The following PRUNE2 variants were observed in gnomAD, a reference collection of about 807,000 sequenced individuals.
The protein encoded by PRUNE2 is prune homolog 2 with BCH domain.
PRUNE2 carries 164 observed loss-of-function variants against 252.0 expected under a neutral mutation model. The observed-to-expected ratio is 0.65, with a 90% confidence interval of 0.57 to 0.74. The LOEUF (loss-of-function observed/expected upper bound fraction) is 0.74. Ranked by LOEUF, PRUNE2 falls within the 30% of genes least tolerant of loss-of-function variation. PRUNE2 has a pLI of 0.00. For missense variants in PRUNE2, 3,495 were observed against 3,711.0 expected (o/e 0.94, Z 1.51); for synonymous variants, 1,292 against 1,350.2 (o/e 0.96, Z 0.94).
At position 76,704,972 on chromosome 9, in the gene PRUNE2, A is replaced by G; in HGVS notation, c.7302T>C (p.Leu2434=). 6.2e-7 allele frequency: 1 copy of G among 1,613,504 alleles called. No homozygotes were observed. The highest frequency in any genetic ancestry group is 8.5e-7 in the Non-Finnish European group (1 of 1,179,648). ...GGTTTCCCTCACTTCTTCGATCAGGAAGTGCAGAAAGCACTATCTCTGCTG... is the reference window on the plus strand; with the variant it reads ...GGTTTCCCTCACTTCTTCGATCAGGGAGTGCAGAAAGCACTATCTCTGCTG... ...CRAAEIVLSA[L]PDRRSEGNQA... Residue 2434 remains leucine (L), a synonymous_variant, in exon 8 of 19, where the codon CTT becomes CTC. Coordinates refer to ENST00000376718, the MANE Select transcript of PRUNE2 (RefSeq NM_015225.3).
intron 6 of PRUNE2, among the ~76,000 whole-genome samples, chr9:76,769,545 C>G (rs1450281873): frequency 6.6e-6 from 1 of 152,244 alleles, no homozygotes; most frequent in African/African-American, 2.4e-5. Flanking sequence ...CCTGCCTCAG[C>G]CTCCCAAGTA....
At chr9:76,783,376 A>G (rs1589214001) in intron 6 of PRUNE2, among the ~76,000 whole-genome samples, 1 of 152,004 alleles carries the variant, frequency 6.6e-6, no homozygotes, top group East Asian at 1.9e-4. Flanking sequence ...ACCTCAGGTG[A>G]CCCACCTGCC....
At chr9:76,843,725 C>CTT (rs71501394) in intron 4 of PRUNE2, among the ~76,000 whole-genome samples, 41 of 128,148 alleles carry the variant, frequency 3.2e-4, no homozygotes, top group Non-Finnish European at 5.1e-4. Context: ...CTTGATTCCT[C>CTT]TTTTTTTTTT....
intron 12 of PRUNE2, chr9:76,642,001 TAAA>T (rs369258212): frequency 2.7e-3 from 2,675 of 1,000,272 alleles, no homozygotes; most frequent in Non-Finnish European, 3.0e-3. Flanking sequence ...ATAAGAGAAG[TAAA>T]AAAAAAAAAA....
chr9:76,826,562 G>A lies in PRUNE2; in HGVS notation c.661+18C>T. 2 of 1,548,248 alleles carry A rather than the reference G, an allele frequency of 1.3e-6. No homozygotes were observed. Among genetic ancestry groups the A allele is most frequent in the Non-Finnish European group, 1.8e-6 (2 of 1,141,668 alleles). Reference sequence around the variant, plus strand: ...CCTACTCGGGAGGGACAAGAGAGCTGGGGACAGAGTCACTCACCCTGAGCA... The same window carrying A: ...CCTACTCGGGAGGGACAAGAGAGCTAGGGACAGAGTCACTCACCCTGAGCA... On this transcript the variant is annotated intron_variant, in intron 5 of 18. Coordinates refer to ENST00000376718, the MANE Select transcript of PRUNE2 (RefSeq NM_015225.3).
chr9:76,773,808 G>A (rs2053397543), intron 6 of PRUNE2, among the ~76,000 whole-genome samples: 1 of 152,160 alleles, frequency 6.6e-6, no homozygotes, highest in Non-Finnish European at 1.5e-5. Context: ...GTTTCAACTG[G>A]TAAAGGGAAT....
At chr9:76,686,042 CTT>C (rs2044048028) in intron 9 of PRUNE2, among the ~76,000 whole-genome samples, 1 of 152,210 alleles carries the variant, frequency 6.6e-6, no homozygotes. Flanking sequence ...AATTATAAGA[CTT>C]GATTAATTTC....
At chr9:76,830,444 G>C (rs1483692474) in intron 4 of PRUNE2, among the ~76,000 whole-genome samples, 1 of 152,060 alleles carries the variant, frequency 6.6e-6, no homozygotes, top group Non-Finnish European at 1.5e-5. Flanking sequence ...TTGACATCAG[G>C]AGTTTGAGAC....
chr9:76,645,468 C>CTATGTACTGTTTCAAAA (rs1844421940), intron 11 of PRUNE2, among the ~76,000 whole-genome samples: 1 of 152,096 alleles, frequency 6.6e-6, no homozygotes, highest in African/African-American at 2.4e-5. Context: ...ATATTACTTT[C>CTATGTACTGTTTCAAAA]TATGTACTGT....
At chr9:76,834,510 T>C (rs7039403) in intron 4 of PRUNE2, among the ~76,000 whole-genome samples, 57,978 of 151,976 alleles carry the variant, frequency 0.38, 11,578 homozygotes, top group African/African-American at 0.5. Flanking sequence ...TGCCCTGGCT[T>C]ACAGTCAAAC....
intron 17 of PRUNE2, among the ~76,000 whole-genome samples, chr9:76,624,138 T>C (rs1202063331): frequency 6.6e-6 from 1 of 152,202 alleles, no homozygotes; most frequent in Non-Finnish European, 1.5e-5. Flanking sequence ...CAATACCTAA[T>C]GATCATCTCG....
intron 9 of PRUNE2, among the ~76,000 whole-genome samples, chr9:76,693,996 A>G (rs1245236202): frequency 6.6e-6 from 1 of 152,110 alleles, no homozygotes; most frequent in East Asian, 1.9e-4. Flanking sequence ...TAGGGGAGAA[A>G]AAATAACTTC....
chr9:76,752,247 G>A (rs534162010), intron 6 of PRUNE2, among the ~76,000 whole-genome samples: 9 of 152,120 alleles, frequency 5.9e-5, no homozygotes, highest in Admixed American at 1.3e-4. Flanking sequence ...ACAGGTGCCC[G>A]CCACCACACC....
intron 9 of PRUNE2, among the ~76,000 whole-genome samples, chr9:76,684,828 T>A (rs1379272943): frequency 6.6e-6 from 1 of 152,094 alleles, no homozygotes; most frequent in Non-Finnish European, 1.5e-5. Flanking sequence ...CTCAGCTCAC[T>A]GAAACCTCCA....
chr9:76,705,187 C>T lies in PRUNE2; in HGVS notation c.7087G>A (p.Glu2363Lys). 6.2e-7 allele frequency: 1 copy of T among 1,614,044 alleles called. No homozygotes were observed. Among genetic ancestry groups the T allele is most frequent in the Non-Finnish European group, 8.5e-7 (1 of 1,179,896 alleles). Residue 2363 changes from glutamate to lysine, a missense_variant, in exon 8 of 19, where the codon GAA becomes AAA. Glu to Lys is a moderately conservative substitution (Grantham distance 56, BLOSUM62 1). Coordinates refer to ENST00000376718, the MANE Select transcript of PRUNE2 (RefSeq NM_015225.3). Reference protein sequence around the residue: ...EYDVMGQNIDEDLLREPEHFL... With the variant: ...EYDVMGQNIDKDLLREPEHFL... ...TGTTCAGGCTCTCTCAGTAAATCTTCATCGATATTCTGGCCCATTACATCA... is the reference window on the plus strand; with the variant it reads ...TGTTCAGGCTCTCTCAGTAAATCTTTATCGATATTCTGGCCCATTACATCA...
In PRUNE2 at chr9:76,704,012, T is replaced by C. The variant is rs1486543414; in HGVS notation, c.7601A>G (p.Glu2534Gly). 2 of 1,613,812 alleles carry C rather than the reference T, an allele frequency of 1.2e-6. No homozygotes were observed. Residue 2534 changes from glutamate (E) to glycine (G), a missense_variant, in exon 9 of 19, where the codon GAA (glutamate) becomes GGA (glycine). By Grantham distance (98) the Glu-to-Gly change is moderately conservative. Transcript: ENST00000376718. Reference sequence around the variant, plus strand: ...ATCTTCATTCTTCTCTGTACATCTTTCTTCCTTGTATTCTGATTTTATCTG... The same window carrying C: ...ATCTTCATTCTTCTCTGTACATCTTCCTTCCTTGTATTCTGATTTTATCTG... ...PEQIKSEYKE[E>G]RCTEKNEDRH...
At chr9:76,655,003 T>A (rs778750957) in intron 10 of PRUNE2, among the ~76,000 whole-genome samples, 3 of 152,202 alleles carry the variant, frequency 2.0e-5, no homozygotes, top group Non-Finnish European at 4.4e-5. Context: ...GTAGGGTAGT[T>A]GTTTTTTATT....
intron 9 of PRUNE2, among the ~76,000 whole-genome samples, chr9:76,686,790 G>GT (rs2044145266): frequency 6.6e-6 from 1 of 152,148 alleles, no homozygotes; most frequent in Non-Finnish European, 1.5e-5. Flanking sequence ...TAGAGATGGT[G>GT]TCTCACTATG....
intron 4 of PRUNE2, among the ~76,000 whole-genome samples, chr9:76,831,420 A>G (rs1430613655): frequency 2.6e-5 from 4 of 152,172 alleles, no homozygotes; most frequent in African/African-American, 9.6e-5. Context: ...GAATAAATTC[A>G]ATATTCACTG....
Sources: gnomAD v4.1 joint callset for allele counts (sites outside exome capture counted in the v4.1 genomes callset) on GRCh38, gnomAD v4.1.1 for gene constraint, MANE v1.5 for transcripts, NCBI Gene and HGNC (gene_info 2026-07-23, HGNC 2026-07-21) for gene names.